The following DTD1 variants were observed in gnomAD, a reference collection of about 807,000 sequenced individuals.
DTD1 encodes D-aminoacyl-tRNA deacylase 1.
Under a neutral mutation model 25.6 loss-of-function variants are expected in DTD1, and 13 were observed. That is an observed-to-expected ratio of 0.51 (90% CI 0.33 to 0.81). The LOEUF (loss-of-function observed/expected upper bound fraction) is 0.81. Among genes scored for constraint, DTD1 ranks in the 30% least tolerant of loss-of-function variants. The pLI is 0.02. For synonymous variants in DTD1, 110 were observed against 103.6 expected (o/e 1.06, Z -0.37); for missense variants, 193 against 266.4 (o/e 0.72, Z 1.92).
At chr20:18,708,207 T>A (rs1289248319) in intron 4 of DTD1, among the ~76,000 whole-genome samples, 16 of 6,878 alleles carry the variant, frequency 2.3e-3, no homozygotes, top group African/African-American at 2.8e-3. Flanking sequence ...ATATATATAT[T>A]TTATATATAT....
At chr20:18,740,841 G>A (rs1248941436) in intron 4 of DTD1, among the ~76,000 whole-genome samples, 1 of 152,130 alleles carries the variant, frequency 6.6e-6, no homozygotes, top group Non-Finnish European at 1.5e-5. Flanking sequence ...CAAAGAAAGA[G>A]CATTTTAATA....
At chr20:18,612,878 GGAACTCCTGACCTCAAGT>G (rs1243242678) in intron 3 of DTD1, among the ~76,000 whole-genome samples, 2 of 151,958 alleles carry the variant, frequency 1.3e-5, no homozygotes, top group Non-Finnish European at 2.9e-5. Flanking sequence ...AGGTTGGTCT[GGAACTCCTGACCTCAAGT>G]GATCTGCACA....
At chr20:18,664,961 A>C (rs976028003) in intron 4 of DTD1, among the ~76,000 whole-genome samples, 3 of 151,794 alleles carry the variant, frequency 2.0e-5, no homozygotes, top group African/African-American at 7.3e-5. Context: ...TTAATAAGCC[A>C]GTGGTCTCTA....
chr20:18,597,796 C>A (rs1049651389), intron 3 of DTD1, among the ~76,000 whole-genome samples: 8 of 152,138 alleles, frequency 5.3e-5, no homozygotes, highest in Non-Finnish European at 1.0e-4. Context: ...TGGTCACCAA[C>A]CTGTCTTGCT....
At position 18,620,717 on chromosome 20, in the gene DTD1, C is replaced by T. The variant is rs193283517; in HGVS notation, c.371-7410C>T. On this transcript the variant is annotated intron_variant, in intron 3 of 5. Transcript: ENST00000377452. Reference sequence around the variant, plus strand: ...TCAAGCAATCCTCCTGCCTTAGTCTCCAAGTACCTGGGACTATGAGCATGT... The same window carrying T: ...TCAAGCAATCCTCCTGCCTTAGTCTTCAAGTACCTGGGACTATGAGCATGT... Among the ~76,000 whole-genome samples, 28 of 152,110 alleles carry T rather than the reference C, an allele frequency of 1.8e-4. No individual in the cohort carries two copies. In the East Asian group the frequency reaches 5.4e-3, roughly 29 times the overall value.
At chr20:18,724,697 T>C (rs1213324455) in intron 4 of DTD1, among the ~76,000 whole-genome samples, 1 of 152,256 alleles carries the variant, frequency 6.6e-6, no homozygotes, top group African/African-American at 2.4e-5. Flanking sequence ...AAATATTGTA[T>C]ACACTTTCAT....
intron 5 of DTD1, among the ~76,000 whole-genome samples, chr20:18,754,357 A>G (rs2061331287): frequency 6.6e-6 from 1 of 152,154 alleles, no homozygotes; most frequent in Admixed American, 6.6e-5. Flanking sequence ...CTTCTTTCAT[A>G]AGACTATGAA....
chr20:18,608,348 T>C (rs2060670933), intron 3 of DTD1, among the ~76,000 whole-genome samples: 1 of 149,636 alleles, frequency 6.7e-6, no homozygotes, highest in Non-Finnish European at 1.5e-5. Flanking sequence ...TGGTTTCCTA[T>C]TGTCAATTGA....
chr20:18,601,266 G>A (rs13039454), intron 3 of DTD1, among the ~76,000 whole-genome samples: 14 of 152,252 alleles, frequency 9.2e-5, no homozygotes, highest in East Asian at 3.9e-4. Context: ...TTGGGAAGCC[G>A]AGGAGGTCAG....
At chr20:18,687,651 C>A (rs1437840069) in intron 4 of DTD1, among the ~76,000 whole-genome samples, 1 of 152,014 alleles carries the variant, frequency 6.6e-6, no homozygotes, top group Non-Finnish European at 1.5e-5. Flanking sequence ...ATCTCCTGTG[C>A]TCAAGTAATC....
intron 4 of DTD1, among the ~76,000 whole-genome samples, chr20:18,678,242 G>T (rs1359052657): frequency 6.6e-6 from 1 of 152,200 alleles, no homozygotes; most frequent in Non-Finnish European, 1.5e-5. Context: ...GGGCCATGGG[G>T]CCACCTCGCA....
chr20:18,724,016 G>A (rs934973389), intron 4 of DTD1, among the ~76,000 whole-genome samples: 1 of 152,180 alleles, frequency 6.6e-6, no homozygotes, highest in African/African-American at 2.4e-5. Context: ...ATTGCGTGGA[G>A]ACACACAGCA....
intron 4 of DTD1, among the ~76,000 whole-genome samples, chr20:18,679,488 A>G (rs955270820): frequency 6.6e-6 from 1 of 152,230 alleles, no homozygotes; most frequent in Non-Finnish European, 1.5e-5. Context: ...TAAAAGTGAG[A>G]TTTCAAATAA....
At chr20:18,712,794 A>G (rs2061164358) in intron 4 of DTD1, among the ~76,000 whole-genome samples, 1 of 152,216 alleles carries the variant, frequency 6.6e-6, no homozygotes, top group Non-Finnish European at 1.5e-5. Flanking sequence ...TGGCTCACGC[A>G]GAACCCATTT....
intron 1 of DTD1, among the ~76,000 whole-genome samples, chr20:18,591,786 C>A (rs938771447): frequency 3.3e-5 from 5 of 151,800 alleles, no homozygotes; most frequent in African/African-American, 1.2e-4. Flanking sequence ...ACAAATAAAG[C>A]CAAAGGCTTT....
chr20:18,751,841 G>GTTT (rs149413679), intron 5 of DTD1, among the ~76,000 whole-genome samples: 9 of 147,304 alleles, frequency 6.1e-5, no homozygotes, highest in Admixed American at 1.4e-4. Flanking sequence ...TAGACTTGTA[G>GTTT]TTTTTTTTTT....
intron 4 of DTD1, among the ~76,000 whole-genome samples, chr20:18,734,847 A>G (rs2061250070): frequency 6.6e-6 from 1 of 152,322 alleles, no homozygotes; most frequent in Admixed American, 6.5e-5. Context: ...TTCTAAAGCT[A>G]TTGAAATGAG....
At chr20:18,676,001 C>T (rs944600732) in intron 4 of DTD1, among the ~76,000 whole-genome samples, 1 of 152,134 alleles carries the variant, frequency 6.6e-6, no homozygotes, top group Non-Finnish European at 1.5e-5. Flanking sequence ...ATTTTGATGG[C>T]AGCCTACTAT....
chr20:18,739,601 T>C (rs1159179018), intron 4 of DTD1, among the ~76,000 whole-genome samples: 2 of 152,244 alleles, frequency 1.3e-5, no homozygotes, highest in African/African-American at 4.8e-5. Flanking sequence ...ATTTCAGTGT[T>C]TGTAGATTGT....
Sources: gnomAD v4.1 joint callset for allele counts (sites outside exome capture counted in the v4.1 genomes callset) on GRCh38, gnomAD v4.1.1 for gene constraint, MANE v1.5 for transcripts, NCBI Gene and HGNC (gene_info 2026-07-23, HGNC 2026-07-21) for gene names.